TSPAN3: variants seen among roughly 807,000 people sequenced by gnomAD.
The protein encoded by TSPAN3 is tetraspanin 3, also known as tetraspanin-3.
In TSPAN3, 9 loss-of-function variants were observed where a neutral mutation model predicts 31.1. The observed-to-expected ratio is 0.29, with a 90% CI of 0.17 to 0.50. The LOEUF is 0.50. Ranked by LOEUF, TSPAN3 falls within the 20% of genes least tolerant of loss-of-function variation. The pLI is 0.98. For missense variants in TSPAN3, 252 were observed against 313.5 expected (o/e 0.80, Z 1.48); for synonymous variants, 129 against 114.3 (o/e 1.13, Z -0.82).
At position 77,046,941 on chromosome 15, in the gene TSPAN3, A is replaced by C; in HGVS notation, c.670-14T>G. 4 of 1,562,656 alleles carry C rather than the reference A, an allele frequency of 2.6e-6. No homozygotes were observed. In the South Asian group the frequency reaches 3.5e-5, roughly 14 times the overall value. ...CATGCCCAGCAGCTGTTGAAAGAAA[A>C]CAACAATGGGGAAAAAAGGCTGAAA... On this transcript the variant is annotated splice_polypyrimidine_tract_variant and intron_variant, in intron 6 of 6. Coordinates refer to ENST00000267970, the MANE Select transcript of TSPAN3 (RefSeq NM_005724.6).
At chr15:77,057,209 G>A (rs1301360493) in intron 1 of TSPAN3, among the ~76,000 whole-genome samples, 1 of 152,188 alleles carries the variant, frequency 6.6e-6, no homozygotes, top group African/African-American at 2.4e-5. Flanking sequence ...ATACAAACAA[G>A]CAAATGCAGT....
intron 6 of TSPAN3, among the ~76,000 whole-genome samples, chr15:77,047,730 G>T (rs948088494): frequency 4.6e-5 from 7 of 152,164 alleles, no homozygotes; most frequent in African/African-American, 1.7e-4. Context: ...AAGAGAAAAT[G>T]ATTCTAGAAT....
At chr15:77,054,067 T>C (rs2076751911) in intron 4 of TSPAN3, 111 bp downstream of exon 4, 1 of 743,244 alleles carries the variant, frequency 1.3e-6, no homozygotes, top group African/African-American at 1.7e-5. Context: ...CACATCAGGA[T>C]AGCCATGTAT....
chr15:77,068,977 T>C (rs991483592), intron 1 of TSPAN3, among the ~76,000 whole-genome samples: 2 of 152,228 alleles, frequency 1.3e-5, no homozygotes, highest in African/African-American at 4.8e-5. Flanking sequence ...AACAGAATGA[T>C]TTATATTCCT....
intron 1 of TSPAN3, among the ~76,000 whole-genome samples, chr15:77,062,385 C>T (rs1234665385): frequency 6.6e-6 from 1 of 152,166 alleles, no homozygotes; most frequent in African/African-American, 2.4e-5. Flanking sequence ...AAGTCCACTA[C>T]CTGAATATAT....
At chr15:77,064,716 G>C (rs2076821395) in intron 1 of TSPAN3, 1 of 152,206 alleles carries the variant, frequency 6.6e-6, no homozygotes, top group Non-Finnish European at 1.5e-5. Context: ...CTTGCTTCCT[G>C]ACAAGTTAGA....
Position 77,055,871 on chromosome 15 carries a change from A to G in TSPAN3, c.256-8T>C, listed in dbSNP as rs752075831. The G allele has an allele frequency of 1.9e-5, 30 of 1,600,352 alleles. No homozygotes were observed. Among genetic ancestry groups the G allele is most frequent in the Non-Finnish European group, 2.5e-5 (29 of 1,176,620 alleles). ...GAGCAGGATGATGACAAACTGTAAGAAAACATGGTTTAAAATTATATACAA... is the reference window on the plus strand; with the variant it reads ...GAGCAGGATGATGACAAACTGTAAGGAAACATGGTTTAAAATTATATACAA... On this transcript the variant is annotated splice_region_variant and splice_polypyrimidine_tract_variant and intron_variant, in intron 2 of 6. Coordinates refer to ENST00000267970, the MANE Select transcript of TSPAN3 (RefSeq NM_005724.6).
intron 3 of TSPAN3, 88 bp from the exon 4 acceptor site, chr15:77,054,367 G>T: frequency 2.2e-6 from 2 of 925,046 alleles, no homozygotes; most frequent in Non-Finnish European, 3.4e-6. Context: ...TAAATGAAAT[G>T]TTTGCAAGTT....
At chr15:77,053,914 C>G (rs2076750780) in intron 4 of TSPAN3, among the ~76,000 whole-genome samples, 1 of 152,060 alleles carries the variant, frequency 6.6e-6, no homozygotes, top group East Asian at 1.9e-4. Flanking sequence ...CGTCATCACC[C>G]CTTTGGCTAA....
Position 77,070,994 on chromosome 15 carries a change from G to A in TSPAN3, c.-40C>T, listed in dbSNP as rs2076866034. ...GCGAAGGCCCGGCCCGGAGAGCGGG[G>A]CTGCGCTCACCGAGAGAGCGGCAAT... On this transcript the variant is annotated 5_prime_UTR_variant, in exon 1 of 7. Coordinates refer to ENST00000267970, the MANE Select transcript of TSPAN3 (RefSeq NM_005724.6). 5.1e-6 allele frequency: 7 copies of A among 1,369,288 alleles called. No homozygotes were observed. Among genetic ancestry groups the A allele is most frequent in the African/African-American group, 1.5e-5 (1 of 64,996 alleles). 84.8% of individuals were successfully genotyped at this position (1,369,288 alleles called of 1,614,324 possible).
At chr15:77,047,880 C>T (rs1460045178) in intron 6 of TSPAN3, among the ~76,000 whole-genome samples, 5 of 152,020 alleles carry the variant, frequency 3.3e-5, no homozygotes, top group Non-Finnish European at 4.4e-5. Context: ...ATCTAATTTC[C>T]GCAAAATGTA....
chr15:77,044,854 C>T lies in TSPAN3; in HGVS notation c.*1981G>A, dbSNP rs2076680089. On this transcript the variant is annotated 3_prime_UTR_variant, in exon 7 of 7. Transcript: ENST00000267970. ...GGTTCATATTGAAAACTGGGGGGAC[C>T]ATGCTCGGGGGAGGTGGTGGTAGTG... The T allele has an allele frequency of 6.6e-6, 1 of 152,164 alleles. No individual in the cohort carries two copies. The highest frequency in any genetic ancestry group is 1.5e-5 in the Non-Finnish European group (1 of 68,132). The allele number at this position is 152,164 out of a possible 1,614,324, so 9.4% of individuals were successfully genotyped here.
At chr15:77,065,512 C>T (rs1308131040) in intron 1 of TSPAN3, among the ~76,000 whole-genome samples, 3 of 152,238 alleles carry the variant, frequency 2.0e-5, no homozygotes, top group South Asian at 2.1e-4. Flanking sequence ...CTACAAGCTC[C>T]GCCTCCCGGG....
chr15:77,061,602 C>A (rs2076801180), intron 1 of TSPAN3, among the ~76,000 whole-genome samples: 1 of 152,088 alleles, frequency 6.6e-6, no homozygotes, highest in Non-Finnish European at 1.5e-5. Flanking sequence ...GTGTAACCTG[C>A]CATTGGAATG....
Position 77,048,033 on chromosome 15 carries a change from A to G in TSPAN3, c.670-1106T>C, listed in dbSNP as rs1490160813. On this transcript the variant is annotated intron_variant, in intron 6 of 6. Coordinates refer to ENST00000267970, the MANE Select transcript of TSPAN3 (RefSeq NM_005724.6). ...AATTTCTACCCTCACATTAACCTAT[A>G]TTCTGCCCATTCGGGATATATATTT... Among the ~76,000 whole-genome samples the G allele has an allele frequency of 2.0e-5, 3 of 152,144 alleles. No individual in the cohort carries two copies. The East Asian group carries it at 5.8e-4, about 29-fold the overall frequency.
chr15:77,056,999 T>G (rs1438483822), intron 1 of TSPAN3, among the ~76,000 whole-genome samples: 4 of 152,220 alleles, frequency 2.6e-5, no homozygotes, highest in Non-Finnish European at 5.9e-5. Context: ...CAGCTTCTTC[T>G]TGGAGCGCAC....
At chr15:77,067,550 C>T (rs2076840851) in intron 1 of TSPAN3, 1 of 152,186 alleles carries the variant, frequency 6.6e-6, no homozygotes, top group South Asian at 2.1e-4. Context: ...TTATTGCCTA[C>T]AGTTGCCCAA....
intron 1 of TSPAN3, among the ~76,000 whole-genome samples, chr15:77,068,552 A>G (rs2076847456): frequency 6.6e-6 from 1 of 152,194 alleles, no homozygotes; most frequent in African/African-American, 2.4e-5. Context: ...CTTCAAAATC[A>G]AATAGTTATG....
chr15:77,052,594 T>C, intron 5 of TSPAN3, 126 bp from the exon 6 acceptor site: 1 of 1,136,704 alleles, frequency 8.8e-7, no homozygotes, highest in Non-Finnish European at 1.3e-6. Flanking sequence ...AAAGATTCCA[T>C]GATTGGTATA....
Sources: allele counts gnomAD v4.1 joint callset (sites outside exome capture counted in the v4.1 genomes callset), GRCh38; gene constraint gnomAD v4.1.1; transcripts MANE v1.5; gene names NCBI Gene and HGNC (gene_info 2026-07-23, HGNC 2026-07-21).